The following ACVR1 variants were observed in gnomAD, a reference collection of about 807,000 sequenced individuals.
ACVR1 encodes the protein activin receptor type-1.
Under a neutral mutation model 57.1 loss-of-function variants are expected in ACVR1, and 38 were observed. That is an observed-to-expected ratio of 0.67 (90% confidence interval 0.51 to 0.87). The LOEUF (loss-of-function observed/expected upper bound fraction) is 0.87. ACVR1 is among the 40% of genes least tolerant of loss of function. The probability of loss-of-function intolerance (pLI) is 0.00; values close to 1 mark genes in which losing one functional copy is unlikely to be tolerated. For missense variants in ACVR1, 463 were observed against 638.2 expected, an observed-to-expected ratio of 0.73 and a Z score of 2.96; for synonymous variants, 212 against 228.1, an observed-to-expected ratio of 0.93 and a Z score of 0.63.
At chr2:157,751,639 C>T (rs562097732) in intron 9 of ACVR1, among the ~76,000 whole-genome samples, 1 of 152,138 alleles carries the variant, frequency 6.6e-6, no homozygotes, top group African/African-American at 2.4e-5. Context: ...GTGAGACAGG[C>T]CTTTTGGGTT....
chr2:157,818,845 G>C (rs1250995736), intron 1 of ACVR1, among the ~76,000 whole-genome samples: 1 of 151,920 alleles, frequency 6.6e-6, no homozygotes, highest in East Asian at 1.9e-4. Flanking sequence ...TTGGGAGGCC[G>C]AGGCGGGCGG....
chr2:157,832,973 T>A (rs999818177), intron 1 of ACVR1, among the ~76,000 whole-genome samples: 8 of 152,192 alleles, frequency 5.3e-5, no homozygotes, highest in Admixed American at 4.6e-4. Flanking sequence ...TGAAATTAAT[T>A]CTTCATAGCC....
chr2:157,780,253 A>G, intron 4 of ACVR1, 84 bp downstream of exon 4: 1 of 1,586,876 alleles, frequency 6.3e-7, no homozygotes, highest in Non-Finnish European at 8.6e-7. Context: ...AATGCCTCAT[A>G]GCTACTTAGA....
chr2:157,829,050 G>A (rs1200440133), intron 1 of ACVR1, among the ~76,000 whole-genome samples: 2 of 152,202 alleles, frequency 1.3e-5, no homozygotes, highest in Non-Finnish European at 2.9e-5. Flanking sequence ...TTACAGGCGT[G>A]AGCCACTGTG....
At chr2:157,742,011 G>T (rs1340914984) in intron 9 of ACVR1, among the ~76,000 whole-genome samples, 1 of 152,154 alleles carries the variant, frequency 6.6e-6, no homozygotes. Context: ...ACCATCCTCT[G>T]ACGTTGGAGA....
intron 8 of ACVR1, among the ~76,000 whole-genome samples, chr2:157,763,024 A>T (rs564430516): frequency 3.2e-4 from 48 of 152,344 alleles, no homozygotes; most frequent in Non-Finnish European, 6.5e-4. Context: ...TTAAGATGCT[A>T]AATTTTACAG....
intron 5 of ACVR1, among the ~76,000 whole-genome samples, chr2:157,774,683 C>T (rs150307752): frequency 0.015 from 2,271 of 152,218 alleles, 24 homozygotes; most frequent in Middle Eastern, 0.041. Flanking sequence ...TTTATTTCTT[C>T]GGAATACTAG....
At chr2:157,751,639 C>G (rs562097732) in intron 9 of ACVR1, among the ~76,000 whole-genome samples, 6 of 152,256 alleles carry the variant, frequency 3.9e-5, no homozygotes, top group Non-Finnish European at 7.4e-5. Flanking sequence ...GTGAGACAGG[C>G]CTTTTGGGTT....
At chr2:157,767,516 G>C (rs1288723003) in intron 7 of ACVR1, among the ~76,000 whole-genome samples, 3 of 152,050 alleles carry the variant, frequency 2.0e-5, no homozygotes, top group Non-Finnish European at 4.4e-5. Flanking sequence ...AGTGAAGTTT[G>C]GGACTTAAAA....
At chr2:157,747,641 C>T (rs1226045229) in intron 9 of ACVR1, among the ~76,000 whole-genome samples, 1 of 152,146 alleles carries the variant, frequency 6.6e-6, no homozygotes, top group Non-Finnish European at 1.5e-5. Flanking sequence ...TTCTCCTACT[C>T]ATTTTTTTTC....
At chr2:157,740,563 C>T (rs191932582) in intron 9 of ACVR1, among the ~76,000 whole-genome samples, 1 of 152,308 alleles carries the variant, frequency 6.6e-6, no homozygotes, top group African/African-American at 2.4e-5. Flanking sequence ...ATTTAATAGC[C>T]TGGCTTAATA....
At chr2:157,834,383 A>T (rs1020357735) in intron 1 of ACVR1, among the ~76,000 whole-genome samples, 1 of 152,112 alleles carries the variant, frequency 6.6e-6, no homozygotes, top group East Asian at 1.9e-4. Context: ...GTGACCCACC[A>T]TGCCCAGCCT....
At chr2:157,865,922 C>T (rs915411789) in intron 1 of ACVR1, among the ~76,000 whole-genome samples, 1 of 151,822 alleles carries the variant, frequency 6.6e-6, no homozygotes, top group African/African-American at 2.4e-5. Context: ...AGTGAATGCC[C>T]GAAACCTCAG....
At chr2:157,753,482 T>G (rs1685292542) in intron 9 of ACVR1, among the ~76,000 whole-genome samples, 1 of 152,012 alleles carries the variant, frequency 6.6e-6, no homozygotes, top group African/African-American at 2.4e-5. Flanking sequence ...GAGTAAAGAT[T>G]GCACCACTGC....
At chr2:157,807,870 T>G (rs1158121237) in intron 2 of ACVR1, among the ~76,000 whole-genome samples, 351 of 33,052 alleles carry the variant, frequency 0.011, no homozygotes, top group Middle Eastern at 0.045. Context: ...GGGGGGTGGG[T>G]ATAAGATGAA....
At position 157,868,410 on chromosome 2, in the gene ACVR1, C is replaced by A. The variant is rs140708184; in HGVS notation, c.-183+7386G>T. On this transcript the variant is annotated intron_variant, in intron 1 of 10. Transcript: ENST00000434821. ...GCTGAGGCAGGAGAATCGCTTCAAC[C>A]CAAGGTGGAAGTTGCAGTGAGCCGA... Among the ~76,000 whole-genome samples, 12 of 151,934 alleles carry A rather than the reference C, an allele frequency of 7.9e-5. 1 individual carries two copies. The highest frequency in any genetic ancestry group is 6.3e-4 in the South Asian group (3 of 4,798).
Position 157,819,728 on chromosome 2 carries a change from C to T in ACVR1, c.-182-1169G>A, listed in dbSNP as rs552077359. On this transcript the variant is annotated intron_variant, in intron 1 of 10. Coordinates refer to ENST00000434821, the MANE Select transcript of ACVR1 (RefSeq NM_001111067.4). ...ACAATGGTGGGGAAGGAGTACAAAG[C>T]GGAAGGGAAGAGGAGGGGAGGCTCT... Among the ~76,000 whole-genome samples the T allele has an allele frequency of 9.0e-5, 13 of 144,988 alleles. No homozygotes were observed. The East Asian group carries it at 9.7e-4, about 11-fold the overall frequency.
At chr2:157,873,300 C>T (rs765266114) in intron 1 of ACVR1, among the ~76,000 whole-genome samples, 13 of 152,028 alleles carry the variant, frequency 8.6e-5, no homozygotes, top group African/African-American at 2.4e-4. Flanking sequence ...TATTGTAGGA[C>T]GGTAAAATAA....
At chr2:157,766,267 C>T (rs758317213) in intron 7 of ACVR1, 71 bp from the exon 8 acceptor site, 3 of 1,469,024 alleles carry the variant, frequency 2.0e-6, no homozygotes, top group East Asian at 2.3e-5. Flanking sequence ...TTAGAAATAG[C>T]GACCTACACA....
Sources: allele counts gnomAD v4.1 joint callset (sites outside exome capture counted in the v4.1 genomes callset), GRCh38; gene constraint gnomAD v4.1.1; transcripts MANE v1.5; gene names NCBI Gene and HGNC (gene_info 2026-07-23, HGNC 2026-07-21).